GNAQ: variants seen among roughly 807,000 people sequenced by gnomAD.
The protein encoded by GNAQ is G protein subunit alpha q.
In GNAQ, 8 loss-of-function variants were observed where a neutral mutation model predicts 43.9. That is an observed-to-expected ratio of 0.18 (90% confidence interval 0.11 to 0.33). The LOEUF is 0.33. Ranked by LOEUF, GNAQ falls within the 10% of genes least tolerant of loss-of-function variation. The pLI is 1.00. For synonymous variants in GNAQ, 155 were observed against 170.7 expected, an observed-to-expected ratio of 0.91 and a Z score of 0.71; for missense variants, 158 against 450.8, an observed-to-expected ratio of 0.35 and a Z score of 5.88.
At chr9:77,837,847 A>T (rs1006382113) in intron 2 of GNAQ, among the ~76,000 whole-genome samples, 65 of 128,974 alleles carry the variant, frequency 5.0e-4, no homozygotes, top group Non-Finnish European at 9.1e-4. Context: ...AGTGATTTAA[A>T]TTTTTTTTTT....
Position 77,718,724 on chromosome 9 carries a change from T to C in GNAQ, c.*2599A>G, listed in dbSNP as rs1441881246. 4.7e-6 allele frequency: 1 copy of C among 210,914 alleles called. No individual in the cohort carries two copies. Among genetic ancestry groups the C allele is most frequent in the Non-Finnish European group, 9.0e-6 (1 of 110,810 alleles). The allele number at this position is 210,914 out of a possible 1,614,324, so 13.1% of individuals were successfully genotyped here. Reference sequence around the variant, plus strand: ...CTGTAGGCCTTCAAATGTTGTTGTTTAATTTTTTTTTTTTTTTTTTTTTTT... The same window carrying C: ...CTGTAGGCCTTCAAATGTTGTTGTTCAATTTTTTTTTTTTTTTTTTTTTTT... On this transcript the variant is annotated 3_prime_UTR_variant, in exon 7 of 7. Coordinates refer to ENST00000286548, the MANE Select transcript of GNAQ (RefSeq NM_002072.5).
chr9:77,761,119 G>A (rs1388796560), intron 5 of GNAQ, among the ~76,000 whole-genome samples: 1 of 151,582 alleles, frequency 6.6e-6, no homozygotes, highest in Non-Finnish European at 1.5e-5. Flanking sequence ...GGGAGGTGGG[G>A]GGTCAGCCCC....
At chr9:77,981,271 A>C (rs1823364865) in intron 1 of GNAQ, among the ~76,000 whole-genome samples, 1 of 151,924 alleles carries the variant, frequency 6.6e-6, no homozygotes, top group Admixed American at 6.6e-5. Context: ...CAATCAAGAC[A>C]AAAAAAATAG....
At chr9:77,970,144 G>A (rs35297051) in intron 1 of GNAQ, among the ~76,000 whole-genome samples, 54,291 of 151,688 alleles carry the variant, frequency 0.36, 11,519 homozygotes, top group Admixed American at 0.47. Flanking sequence ...GCTTGAACCC[G>A]GGAGATGGAG....
At chr9:77,746,298 G>GAAAC (rs1825728622) in intron 5 of GNAQ, among the ~76,000 whole-genome samples, 1 of 152,100 alleles carries the variant, frequency 6.6e-6, no homozygotes, top group African/African-American at 2.4e-5. Flanking sequence ...ATAGGATCTA[G>GAAAC]AAACAGGGAA....
At chr9:77,824,600 T>C (rs1827166163) in intron 2 of GNAQ, among the ~76,000 whole-genome samples, 2 of 152,190 alleles carry the variant, frequency 1.3e-5, no homozygotes, top group Non-Finnish European at 2.9e-5. Flanking sequence ...ACCATGACAC[T>C]ATGCTCCATG....
chr9:77,784,514 G>A (rs186309158), intron 5 of GNAQ, among the ~76,000 whole-genome samples: 70 of 152,178 alleles, frequency 4.6e-4, no homozygotes, highest in Admixed American at 1.4e-3. Context: ...TATAAAACGT[G>A]AAACTATGCA....
intron 1 of GNAQ, among the ~76,000 whole-genome samples, chr9:77,957,028 G>A (rs565610528): frequency 2.6e-5 from 4 of 152,202 alleles, no homozygotes; most frequent in Non-Finnish European, 4.4e-5. Context: ...AGTACAGCCC[G>A]GAACAGAATG....
At chr9:77,810,207 C>CATCTATCTATCTAACTATCT (rs1826895543) in intron 3 of GNAQ, among the ~76,000 whole-genome samples, 2 of 144,856 alleles carry the variant, frequency 1.4e-5, no homozygotes, top group African/African-American at 5.1e-5. Context: ...AACTGTCAAT[C>CATCTATCTATCTAACTATCT]ATCTATCTAT....
At chr9:77,884,532 G>C (rs576540461) in intron 2 of GNAQ, among the ~76,000 whole-genome samples, 1 of 152,228 alleles carries the variant, frequency 6.6e-6, no homozygotes, top group African/African-American at 2.4e-5. Flanking sequence ...AAGGAGTTAG[G>C]AATCTGAGTT....
At chr9:77,800,798 T>C (rs1481989296) in intron 3 of GNAQ, among the ~76,000 whole-genome samples, 1 of 152,202 alleles carries the variant, frequency 6.6e-6, no homozygotes, top group Admixed American at 6.5e-5. Context: ...TCTGTATGGA[T>C]GGGGTTTTCT....
chr9:77,956,844 T>G (rs998532480), intron 1 of GNAQ, among the ~76,000 whole-genome samples: 1 of 152,160 alleles, frequency 6.6e-6, no homozygotes, highest in Non-Finnish European at 1.5e-5. Flanking sequence ...AGACAGCAGG[T>G]GAGAGAGTTC....
chr9:77,874,117 C>CAAAAAAAA lies in GNAQ; in HGVS notation c.321+48043_321+48044insTTTTTTTT, dbSNP rs1384066782. 2.0e-4 allele frequency among the ~76,000 whole-genome samples: 26 copies of CAAAAAAAA among 130,950 alleles called. 1 individual carries two copies. The highest frequency in any genetic ancestry group is 1.7e-3 in the Admixed American group (20 of 11,872). 85.9% of individuals were successfully genotyped at this position (130,950 alleles called of 152,430 possible). On this transcript the variant is annotated intron_variant, in intron 2 of 6. Transcript: ENST00000286548. ...GAAACTCCATCTCAAAAAAAAAAAA[C>CAAAAAAAA]AAAAAAACAAAAAAACAAAAAAACA...
chr9:77,989,199 T>A (rs2118516602), intron 1 of GNAQ, among the ~76,000 whole-genome samples: 1 of 152,288 alleles, frequency 6.6e-6, no homozygotes, highest in East Asian at 1.9e-4. Context: ...TATGATCTTT[T>A]CAAAAACCCA....
chr9:77,745,588 A>G (rs1381220347), intron 5 of GNAQ, among the ~76,000 whole-genome samples: 2 of 144,186 alleles, frequency 1.4e-5, no homozygotes, highest in African/African-American at 5.2e-5. Context: ...AAATCTTATG[A>G]TTCAGCAGGT....
intron 2 of GNAQ, among the ~76,000 whole-genome samples, chr9:77,820,231 A>G (rs1040008775): frequency 6.6e-6 from 1 of 152,134 alleles, no homozygotes; most frequent in African/African-American, 2.4e-5. Context: ...CCCTGACTGG[A>G]TAATAGATCT....
At chr9:77,866,500 C>T (rs1346216294) in intron 2 of GNAQ, among the ~76,000 whole-genome samples, 2 of 152,114 alleles carry the variant, frequency 1.3e-5, no homozygotes, top group Admixed American at 6.6e-5. Flanking sequence ...ACAGCTAAGA[C>T]GGTTACTTGT....
intron 1 of GNAQ, among the ~76,000 whole-genome samples, chr9:77,981,447 A>G (rs1043551382): frequency 1.1e-4 from 17 of 152,218 alleles, no homozygotes; most frequent in African/African-American, 3.6e-4. Flanking sequence ...AAGACGCTGA[A>G]GGCAAAGTCC....
intron 2 of GNAQ, among the ~76,000 whole-genome samples, chr9:77,882,070 G>A (rs890226426): frequency 1.3e-5 from 2 of 152,120 alleles, no homozygotes; most frequent in Non-Finnish European, 2.9e-5. Flanking sequence ...CCCAGAAGGC[G>A]GAAGTTGCAG....
Sources: gnomAD v4.1 joint callset for allele counts (sites outside exome capture counted in the v4.1 genomes callset) on GRCh38, gnomAD v4.1.1 for gene constraint, MANE v1.5 for transcripts, NCBI Gene and HGNC (gene_info 2026-07-23, HGNC 2026-07-21) for gene names.